The following MAGT1 variants were observed in gnomAD, a reference collection of about 807,000 sequenced individuals.
The protein encoded by MAGT1 is magnesium transporter 1.
Under a neutral mutation model 28.4 loss-of-function variants are expected in MAGT1, and 4 were observed. The observed-to-expected ratio is 0.14, with a 90% confidence interval of 0.07 to 0.32. The LOEUF is 0.32. MAGT1 is among the 10% of genes least tolerant of loss of function. The pLI is 1.00. For missense variants in MAGT1, 193 were observed against 264.5 expected (o/e 0.73, Z 1.88); for synonymous variants, 89 against 89.7 (o/e 0.99, Z 0.04).
chrX:77,893,661 C>A (rs2077090411), intron 1 of MAGT1, among the ~76,000 whole-genome samples: 1 of 112,071 alleles, frequency 8.9e-6, no homozygotes, highest in South Asian at 3.7e-4. Context: ...TTTGGGAGGC[C>A]AAGGCGGAAG....
chrX:77,845,756 A>G (rs1364797525), intron 7 of MAGT1, among the ~76,000 whole-genome samples: 3 of 111,675 alleles, frequency 2.7e-5, no homozygotes, highest in Non-Finnish European at 3.8e-5. Context: ...AAGAATGTTG[A>G]ATTTGGCCCC....
chrX:77,864,624 T>TATGTGTTACCTTGTTAAAATA (rs781864631), intron 3 of MAGT1, among the ~76,000 whole-genome samples: 1 of 111,905 alleles, frequency 8.9e-6, no homozygotes, highest in African/African-American at 3.2e-5. Context: ...TAACAGAAGT[T>TATGTGTTACCTTGTTAAAATA]ATGTGTTACC....
intron 7 of MAGT1, among the ~76,000 whole-genome samples, chrX:77,846,200 T>C (rs1390138566): frequency 8.9e-6 from 1 of 111,966 alleles, no homozygotes; most frequent in Non-Finnish European, 1.9e-5. Context: ...CCATCACTGA[T>C]ACCCTTTCTT....
intron 1 of MAGT1, among the ~76,000 whole-genome samples, chrX:77,891,315 C>CATCTACCTATCT (rs1557219467): frequency 1.1e-5 from 1 of 90,435 alleles, no homozygotes; most frequent in East Asian, 3.6e-4. Flanking sequence ...TCAGTTCCCT[C>CATCTACCTATCT]ATCTATCTAT....
intron 3 of MAGT1, among the ~76,000 whole-genome samples, chrX:77,864,094 G>A (rs991893092): frequency 5.4e-5 from 6 of 111,103 alleles, no homozygotes; most frequent in Non-Finnish European, 1.1e-4. Flanking sequence ...CATGTTACTT[G>A]CAGCAATATG....
rs782595858 is a variant in MAGT1, at chrX:77,895,400, C to A, written c.11G>T (p.Arg4Leu). The change falls in exon 1 of 10, where the codon CGT becomes CTT. Residue 4 changes from arginine to leucine, a missense_variant. By Grantham distance (102) the Arg-to-Leu change is moderately radical. Coordinates refer to ENST00000618282, the MANE Select transcript of MAGT1 (RefSeq NM_001367916.1). ...CACAGAGACACACCAAAACCGCCAA[C>A]GCGCTGCCATGTTCGCTCCTCTCCC... Reference protein sequence around the residue: MAARWRFWCVSVTM... With the variant: MAALWRFWCVSVTM... 5.0e-6 allele frequency: 6 copies of A among 1,210,476 alleles called. No individual in the cohort carries two copies. Among genetic ancestry groups the A allele is most frequent in the South Asian group, 3.5e-5 (2 of 56,811 alleles).
intron 3 of MAGT1, among the ~76,000 whole-genome samples, chrX:77,864,457 T>C (rs2077003367): frequency 9.0e-6 from 1 of 111,185 alleles, no homozygotes; most frequent in South Asian, 3.8e-4. Flanking sequence ...ATAGAAATGA[T>C]AAATACTCAA....
At chrX:77,869,453 G>C (rs2077015155) in intron 3 of MAGT1, among the ~76,000 whole-genome samples, 1 of 112,203 alleles carries the variant, frequency 8.9e-6, no homozygotes, top group Admixed American at 9.5e-5. Context: ...ATAATCTGCA[G>C]AGTAAACCAA....
chrX:77,853,598 A>G (rs1369234138), intron 7 of MAGT1, among the ~76,000 whole-genome samples: 1 of 111,746 alleles, frequency 8.9e-6, no homozygotes, highest in Non-Finnish European at 1.9e-5. Context: ...ATTTCACATA[A>G]ACTCCACTAT....
chrX:77,895,454 G>A (rs113894525), upstream of MAGT1: 2 of 1,198,619 alleles, frequency 1.7e-6, no homozygotes, highest in South Asian at 3.6e-5. Flanking sequence ...GCTCCGGCTA[G>A]GTCTGAGGGT....
chrX:77,837,702 C>T (rs1335328556), intron 8 of MAGT1, among the ~76,000 whole-genome samples: 1 of 111,903 alleles, frequency 8.9e-6, no homozygotes, highest in Non-Finnish European at 1.9e-5. Flanking sequence ...AAATATTAGA[C>T]TTTATTTAGG....
At position 77,827,811 on chromosome X, in the gene MAGT1, T is replaced by C. The variant is rs1324015560; in HGVS notation, c.*1409A>G. 11 of 111,366 alleles carry C rather than the reference T, an allele frequency of 9.9e-5. No homozygotes were observed. Among genetic ancestry groups the C allele is most frequent in the Non-Finnish European group, 2.1e-4 (11 of 53,093 alleles). The allele number at this position is 111,366 out of a possible 1,213,427, so 9.2% of individuals were successfully genotyped here. On this transcript the variant is annotated 3_prime_UTR_variant, in exon 10 of 10. Transcript: ENST00000618282. ...GGAATAAGTGACAAACTCTAATTTG[T>C]AGAAACATTTTAGGCCATGTATAAG...
chrX:77,856,585 G>T, intron 5 of MAGT1, 148 bp downstream of exon 5: 1 of 565,937 alleles, frequency 1.8e-6, no homozygotes, highest in Non-Finnish European at 2.8e-6. Flanking sequence ...GAAACAAACT[G>T]ATTTTAAGAC....
At chrX:77,857,955 T>C (rs1482690406) in intron 3 of MAGT1, among the ~76,000 whole-genome samples, 2 of 111,172 alleles carry the variant, frequency 1.8e-5, no homozygotes, top group Non-Finnish European at 3.8e-5. Flanking sequence ...TATGCAGAAA[T>C]AGTCTATTCT....
chrX:77,872,875 C>T (rs1417307511), intron 2 of MAGT1, among the ~76,000 whole-genome samples: 1 of 112,221 alleles, frequency 8.9e-6, no homozygotes, highest in East Asian at 2.8e-4. Flanking sequence ...ATCCCAACAG[C>T]ACCACAACTA....
chrX:77,880,557 T>C (rs1198362569), intron 1 of MAGT1, among the ~76,000 whole-genome samples: 2 of 109,733 alleles, frequency 1.8e-5, no homozygotes, highest in African/African-American at 3.3e-5. Context: ...ATTAGTTTTG[T>C]AGCAAATACG....
At chrX:77,831,865 T>A (rs1557213455) in intron 8 of MAGT1, among the ~76,000 whole-genome samples, 1 of 111,743 alleles carries the variant, frequency 8.9e-6, no homozygotes. Context: ...AGAGCTGGGA[T>A]TACAGGCATG....
chrX:77,860,834 T>C (rs1317509427), intron 3 of MAGT1, among the ~76,000 whole-genome samples: 2 of 110,954 alleles, frequency 1.8e-5, no homozygotes, highest in Non-Finnish European at 3.8e-5. Flanking sequence ...ATTTGGAATA[T>C]ATAAAGACCT....
chrX:77,879,083 G>A (rs1181563209), intron 1 of MAGT1, among the ~76,000 whole-genome samples: 1 of 111,055 alleles, frequency 9.0e-6, no homozygotes, highest in Non-Finnish European at 1.9e-5. Flanking sequence ...TCGAGATGGA[G>A]TCTTGCTCTG....
Sources: gnomAD v4.1 joint callset for allele counts (sites outside exome capture counted in the v4.1 genomes callset) on GRCh38, gnomAD v4.1.1 for gene constraint, MANE v1.5 for transcripts, NCBI Gene and HGNC (gene_info 2026-07-23, HGNC 2026-07-21) for gene names.